Variants in CNTN5 observed in about 807,000 individuals in gnomAD.
The protein encoded by CNTN5 is contactin 5, also known as contactin-5.
A neutral mutation model predicts 129.1 loss-of-function variants in CNTN5; 77 were observed. The ratio of observed to expected loss-of-function variants is 0.60; its 90% CI spans 0.50 to 0.72. The LOEUF (loss-of-function observed/expected upper bound fraction) is 0.72. CNTN5 is among the 30% of genes least tolerant of loss of function. CNTN5 has a pLI of 0.00. For missense variants in CNTN5, 1,478 were observed against 1,328.8 expected, an observed-to-expected ratio of 1.11 and a Z score of -1.75; for synonymous variants, 509 against 465.6, an observed-to-expected ratio of 1.09 and a Z score of -1.20.
chr11:99,378,796 C>A (rs529149937), intron 2 of CNTN5, among the ~76,000 whole-genome samples: 1 of 152,132 alleles, frequency 6.6e-6, no homozygotes, highest in South Asian at 2.1e-4. Flanking sequence ...GCAATTAAAT[C>A]ATCCTATTAA....
At chr11:100,047,169 C>A (rs1296310685) in intron 9 of CNTN5, among the ~76,000 whole-genome samples, 1 of 151,872 alleles carries the variant, frequency 6.6e-6, no homozygotes, top group East Asian at 1.9e-4. Context: ...ACAAAAAAAA[C>A]AGAAAACCTG....
intron 6 of CNTN5, among the ~76,000 whole-genome samples, chr11:99,897,778 A>T (rs1256219065): frequency 6.6e-6 from 1 of 152,210 alleles, no homozygotes; most frequent in East Asian, 1.9e-4. Flanking sequence ...TATGTCAGGA[A>T]TAAAAACTTA....
chr11:99,489,432 C>T (rs1482169505), intron 2 of CNTN5, among the ~76,000 whole-genome samples: 2 of 152,204 alleles, frequency 1.3e-5, no homozygotes, highest in African/African-American at 2.4e-5. Context: ...TAGTATTTTA[C>T]AGCACCAGGC....
At chr11:99,429,800 T>A (rs1315284128) in intron 2 of CNTN5, among the ~76,000 whole-genome samples, 1 of 152,110 alleles carries the variant, frequency 6.6e-6, no homozygotes, top group African/African-American at 2.4e-5. Context: ...TCTAAGTGTT[T>A]AAACTGTACC....
chr11:99,737,168 C>G (rs1378626795), intron 3 of CNTN5, among the ~76,000 whole-genome samples: 1 of 151,894 alleles, frequency 6.6e-6, no homozygotes, highest in Non-Finnish European at 1.5e-5. Context: ...CACACGCACA[C>G]GCACACACAG....
Position 100,061,206 on chromosome 11 carries a change from T to C in CNTN5, c.981-6T>C. The C allele has an allele frequency of 6.2e-7, 1 of 1,604,046 alleles. No individual in the cohort carries two copies. On this transcript the variant is annotated splice_polypyrimidine_tract_variant and splice_region_variant and intron_variant, in intron 9 of 24. Coordinates refer to ENST00000524871, the MANE Select transcript of CNTN5 (RefSeq NM_014361.4). ...GTATTAACAGTATTTTTGTTCCCTA[T>C]CGTAGCCCCGTTCCAACAATCACAT...
Position 99,167,645 on chromosome 11 carries a change from A to G in CNTN5, c.-210+146375A>G, listed in dbSNP as rs539770576. Among the ~76,000 whole-genome samples the G allele has an allele frequency of 2.6e-5, 4 of 152,292 alleles. No individual in the cohort carries two copies. In the South Asian group the frequency reaches 8.3e-4, roughly 32 times the overall value. On this transcript the variant is annotated intron_variant, in intron 1 of 24. Coordinates refer to ENST00000524871, the MANE Select transcript of CNTN5 (RefSeq NM_014361.4). ...CTTCATAGTGATCCATTATCTAACTAACACTATCAAGGATGGGGTTTTGTG... is the reference window on the plus strand; with the variant it reads ...CTTCATAGTGATCCATTATCTAACTGACACTATCAAGGATGGGGTTTTGTG...
chr11:99,431,535 A>T (rs1047323281), intron 2 of CNTN5, among the ~76,000 whole-genome samples: 1 of 152,090 alleles, frequency 6.6e-6, no homozygotes, highest in African/African-American at 2.4e-5. Context: ...TGGAGGGGGG[A>T]AACTCCCAGA....
Position 99,367,008 on chromosome 11 carries a change from T to C in CNTN5, c.-71+41524T>C, listed in dbSNP as rs187640284. 7.1e-3 allele frequency among the ~76,000 whole-genome samples: 1,089 copies of C among 152,310 alleles called. 12 individuals carry two copies. The highest frequency in any genetic ancestry group is 0.011 in the Non-Finnish European group (738 of 68,026). On this transcript the variant is annotated intron_variant, in intron 2 of 24. Coordinates refer to ENST00000524871, the MANE Select transcript of CNTN5 (RefSeq NM_014361.4). ...GGATATTTATATTGGAAAAATAATT[T>C]GTTTTTGATAGAATAGAATCAAAGA...
chr11:99,295,882 CAAAAAAAAAAA>C (rs34180493), intron 1 of CNTN5, among the ~76,000 whole-genome samples: 4 of 50,994 alleles, frequency 7.8e-5, no homozygotes, highest in Non-Finnish European at 8.0e-5. Context: ...GACTCCGTCT[CAAAAAAAAAAA>C]AAAAAAAAAA....
At chr11:100,332,745 A>G (rs553496321) in intron 21 of CNTN5, among the ~76,000 whole-genome samples, 5 of 152,330 alleles carry the variant, frequency 3.3e-5, no homozygotes, top group South Asian at 4.1e-4. Flanking sequence ...AAAATCCAGC[A>G]TCTCTTTATG....
At chr11:100,104,996 A>G in intron 13 of CNTN5, among the ~76,000 whole-genome samples, 1 of 152,202 alleles carries the variant, frequency 6.6e-6, no homozygotes, top group Non-Finnish European at 1.5e-5. Flanking sequence ...AGAAAGATCT[A>G]TACTGCAATA....
At position 99,725,459 on chromosome 11, in the gene CNTN5, A is replaced by G. The variant is rs1001095640; in HGVS notation, c.56-94085A>G. ...ATTTTAATAATTTTTATATATATGCATTGTAGGCAAAGTTTTGATCCAATA... is the reference window on the plus strand; with the variant it reads ...ATTTTAATAATTTTTATATATATGCGTTGTAGGCAAAGTTTTGATCCAATA... On this transcript the variant is annotated intron_variant, in intron 3 of 24. Coordinates refer to ENST00000524871, the MANE Select transcript of CNTN5 (RefSeq NM_014361.4). Among the ~76,000 whole-genome samples, 5 of 151,882 alleles carry G rather than the reference A, an allele frequency of 3.3e-5. No homozygotes were observed. The South Asian group carries it at 1.0e-3, about 31-fold the overall frequency.
chr11:99,538,495 G>A (rs77820951), intron 2 of CNTN5, among the ~76,000 whole-genome samples: 4 of 152,118 alleles, frequency 2.6e-5, no homozygotes, highest in Admixed American at 6.5e-5. Flanking sequence ...TTTTACTGCC[G>A]GTTTTAATTA....
chr11:99,466,802 A>G (rs1704964200), intron 2 of CNTN5, among the ~76,000 whole-genome samples: 1 of 152,136 alleles, frequency 6.6e-6, no homozygotes, highest in African/African-American at 2.4e-5. Context: ...GGTTTGGCTG[A>G]TCACATAAGG....
chr11:100,316,992 C>T (rs185437043), intron 21 of CNTN5, among the ~76,000 whole-genome samples: 36 of 152,304 alleles, frequency 2.4e-4, no homozygotes, highest in African/African-American at 7.9e-4. Flanking sequence ...GGGCTACGTG[C>T]AAGGTTCACA....
chr11:100,133,173 C>T (rs999114189), intron 13 of CNTN5, among the ~76,000 whole-genome samples: 6 of 152,124 alleles, frequency 3.9e-5, no homozygotes, highest in Non-Finnish European at 8.8e-5. Flanking sequence ...TTGGCAATGA[C>T]ATTAATGATG....
intron 7 of CNTN5, among the ~76,000 whole-genome samples, chr11:99,939,175 G>T (rs1451539561): frequency 6.6e-6 from 1 of 152,002 alleles, no homozygotes; most frequent in East Asian, 1.9e-4. Flanking sequence ...CTCTAACAAT[G>T]TAAGAAATTG....
At chr11:99,653,768 C>T (rs1331904970) in intron 3 of CNTN5, among the ~76,000 whole-genome samples, 1 of 152,032 alleles carries the variant, frequency 6.6e-6, no homozygotes, top group African/African-American at 2.4e-5. Context: ...GCATGGATTT[C>T]TCATCAGATC....
Sources: gnomAD v4.1 joint callset for allele counts (sites outside exome capture counted in the v4.1 genomes callset) on GRCh38, gnomAD v4.1.1 for gene constraint, MANE v1.5 for transcripts, NCBI Gene and HGNC (gene_info 2026-07-23, HGNC 2026-07-21) for gene names.